PCDH18: variants seen among roughly 807,000 people sequenced by gnomAD.
The protein encoded by PCDH18 is protocadherin 18, also known as protocadherin-18.
PCDH18 carries 38 observed loss-of-function variants against 71.5 expected under a neutral mutation model. The observed-to-expected ratio is 0.53, with a 90% CI of 0.41 to 0.70. The LOEUF (loss-of-function observed/expected upper bound fraction) is 0.70. Ranked by LOEUF, PCDH18 falls within the 30% of genes least tolerant of loss-of-function variation. The probability of loss-of-function intolerance (pLI) is 0.00; values close to 1 mark genes in which losing one functional copy is unlikely to be tolerated. For synonymous variants in PCDH18, 565 were observed against 505.4 expected (o/e 1.12, Z -1.58); for missense variants, 1,334 against 1,384.6 (o/e 0.96, Z 0.58).
chr4:137,520,980 GT>G lies in PCDH18; in HGVS notation c.*48del. ...TTCAGGGTTTTTTGTTGTTGTTGTT[GT>G]TCCCTATTTCCATATACATGGAAAC... On this transcript the variant is annotated 3_prime_UTR_variant, in exon 4 of 4. Coordinates refer to ENST00000344876, the MANE Select transcript of PCDH18 (RefSeq NM_019035.5). 7.6e-7 allele frequency: 1 copy of G among 1,314,784 alleles called. No individual in the cohort carries two copies. The highest frequency in any genetic ancestry group is 1.1e-6 in the Non-Finnish European group (1 of 949,158). The allele number at this position is 1,314,784 out of a possible 1,614,324, so 81.4% of individuals were successfully genotyped here.
Position 137,529,614 on chromosome 4 carries a change from A to G in PCDH18, c.2475T>C (p.Thr825=). Residue 825 remains threonine (T), a synonymous_variant, in exon 1 of 4, where the codon ACT becomes ACC. Transcript: ENST00000344876. The stretch of plus-strand genomic sequence containing the variant: ...TTTATGATCTTACCTCAACAGCAGG[A>G]GTGGCGTGGGTGAGTTCTAATGAGA... ...ENFSLELTHA[T]PAVEQVSQLL... The G allele has an allele frequency of 6.3e-7, 1 of 1,598,948 alleles. No homozygotes were observed. The highest frequency in any genetic ancestry group is 2.2e-5 in the East Asian group (1 of 44,728).
In PCDH18 at chr4:137,532,351, G is replaced by C. The variant is rs1297806479; in HGVS notation, c.-263C>G. 2 of 702,310 alleles carry C rather than the reference G, an allele frequency of 2.8e-6. No homozygotes were observed. The allele number at this position is 702,310 out of a possible 1,614,324, so 43.5% of individuals were successfully genotyped here. A position where few individuals can be genotyped will look rare whatever the true frequency, so the allele number is the denominator to read the frequency against. ...CCAGGCAGGAGAGTGTCACCTCCGC[G>C]TTTTCTCCCTTGTGTAGTCGGAATC... On this transcript the variant is annotated 5_prime_UTR_variant, in exon 1 of 4. Coordinates refer to ENST00000344876, the MANE Select transcript of PCDH18 (RefSeq NM_019035.5).
intron 1 of PCDH18, 187 bp from the exon 2 acceptor site, chr4:137,529,007 A>C (rs569504835): frequency 1.7e-6 from 1 of 588,622 alleles, no homozygotes; most frequent in African/African-American, 1.9e-5. Flanking sequence ...ACTAAAATAT[A>C]TCTCAGAGAG....
chr4:137,521,095 T>G lies in PCDH18; in HGVS notation c.3342A>C (p.Glu1114Asp), dbSNP rs1321464496. The change falls in exon 4 of 4, where the codon GAA becomes GAC. Residue 1114 changes from glutamate to aspartate, a missense_variant. Glu to Asp is a conservative substitution (Grantham distance 45). This residue lies in a region of PCDH18 where 319 missense variants were observed against 316.3 expected (regional missense o/e 1.01). Coordinates refer to ENST00000344876, the MANE Select transcript of PCDH18 (RefSeq NM_019035.5). ...CCACCAGTTCACTGGCATCCATGAG[T>G]TCGTGTTTCCCATCATTGAGGTGGT... Reference protein sequence around the residue: ...VLNHLNDGKHELMDASELVAE... With the variant: ...VLNHLNDGKHDLMDASELVAE... 6.2e-7 allele frequency: 1 copy of G among 1,613,552 alleles called. No homozygotes were observed.
At position 137,531,755 on chromosome 4, in the gene PCDH18, T is replaced by C. The variant is rs1183706242; in HGVS notation, c.334A>G (p.Thr112Ala). Residue 112 changes from threonine to alanine, a missense_variant, in exon 1 of 4, where the codon ACT (threonine) becomes GCT (alanine). Around this residue, in one of 3 missense-constraint regions of PCDH18, gnomAD observed 1,011 missense variants for 1,048.0 expected, o/e 0.96. Coordinates refer to ENST00000344876, the MANE Select transcript of PCDH18 (RefSeq NM_019035.5). ...AGCTGCAGATGCTCTGTGGGTAGAG[T>C]GATCACATCAAACTCTATGGAACAG... ...LNCSIEFDVI[T>A]LPTEHLQLFH... 2.5e-6 allele frequency: 4 copies of C among 1,613,888 alleles called. No individual in the cohort carries two copies. In the African/African-American group the frequency reaches 4.0e-5, roughly 16 times the overall value.
At position 137,530,585 on chromosome 4, in the gene PCDH18, A is replaced by G; in HGVS notation, c.1504T>C (p.Tyr502His). Residue 502 changes from tyrosine (Y) to histidine (H), a missense_variant, in exon 1 of 4, where the codon TAC (tyrosine) becomes CAC (histidine). Coordinates refer to ENST00000344876, the MANE Select transcript of PCDH18 (RefSeq NM_019035.5). ...PDLGENGQVT[Y>H]TILESFILGS... Reference sequence around the variant, plus strand: ...AGAATAAAACTCTCCAAGATGGTGTATGTCACTTGCCCATTTTCTCCAAGA... The same window carrying G: ...AGAATAAAACTCTCCAAGATGGTGTGTGTCACTTGCCCATTTTCTCCAAGA... The G allele has an allele frequency of 6.2e-7, 1 of 1,614,134 alleles. No individual in the cohort carries two copies. Among genetic ancestry groups the G allele is most frequent in the Non-Finnish European group, 8.5e-7 (1 of 1,179,998 alleles).
At chr4:137,521,982 A>T (rs1731315863) in intron 3 of PCDH18, among the ~76,000 whole-genome samples, 1 of 152,176 alleles carries the variant, frequency 6.6e-6, no homozygotes. Context: ...GATAAAGTAT[A>T]CGTGGGAAGA....
rs2149211640 is a variant in PCDH18, at chr4:137,521,487, A to C, written c.2950T>G (p.Ser984Ala). Residue 984 changes from serine (S) to alanine (A), a missense_variant, in exon 4 of 4, where the codon TCC becomes GCC. Physicochemically the swap from Ser to Ala is moderately conservative, Grantham distance 99 (BLOSUM62 1). Coordinates refer to ENST00000344876, the MANE Select transcript of PCDH18 (RefSeq NM_019035.5). ...TTTGGGGAGTCCTTTCCAAAGGTGG[A>C]AAAACTCTTCTTCTTTTCACCGGAA... ...ADSGEKKKSFSTFGKDSPNDE... is the reference protein window; with the variant it reads ...ADSGEKKKSFATFGKDSPNDE... 22 of 1,614,176 alleles carry C rather than the reference A, an allele frequency of 1.4e-5. No individual in the cohort carries two copies. The highest frequency in any genetic ancestry group is 1.9e-5 in the Non-Finnish European group (22 of 1,180,030).
chr4:137,530,775 C>T lies in PCDH18; in HGVS notation c.1314G>A (p.Glu438=). The T allele has an allele frequency of 6.2e-7, 1 of 1,612,438 alleles. No individual in the cohort carries two copies. Among genetic ancestry groups the T allele is most frequent in the Non-Finnish European group, 8.5e-7 (1 of 1,178,594 alleles). Residue 438 remains glutamate, a synonymous_variant, in exon 1 of 4, where the codon GAG becomes GAA. Coordinates refer to ENST00000344876, the MANE Select transcript of PCDH18 (RefSeq NM_019035.5). The part of the protein sequence containing the change: ...RSEYSLTVIA[E]DRGTPSLSTV... Reference sequence around the variant, plus strand: ...TAGAGAGACTGGGTGTCCCCCTGTCCTCAGCGATTACAGTCAAACTATACT... The same window carrying T: ...TAGAGAGACTGGGTGTCCCCCTGTCTTCAGCGATTACAGTCAAACTATACT...
Position 137,521,371 on chromosome 4 carries a change from G to T in PCDH18, c.3066C>A (p.Thr1022=), listed in dbSNP as rs144391842. 1.9e-6 allele frequency: 3 copies of T among 1,614,156 alleles called. No homozygotes were observed. The highest frequency in any genetic ancestry group is 1.1e-5 in the South Asian group (1 of 91,082). ...FQRLLPPSLD[T]YSECSEVDRS... is the part of the protein sequence containing the mutation. ...GATCCACCTCACTGCATTCAGAATA[G>T]GTGTCCAGGGAAGGCGGTAAGAGAC... Residue 1022 remains threonine, a synonymous_variant, in exon 4 of 4, where the codon ACC becomes ACA. Transcript: ENST00000344876.
At chr4:137,522,742 C>G (rs1406029273) in intron 3 of PCDH18, among the ~76,000 whole-genome samples, 1 of 152,054 alleles carries the variant, frequency 6.6e-6, no homozygotes, top group Non-Finnish European at 1.5e-5. Context: ...AGGAAGATTC[C>G]TCTTCCTCCC....
rs1731632508 is a variant in PCDH18 at position 137,530,339 on chromosome 4, T to C, written c.1750A>G (p.Asn584Asp). The part of the protein sequence containing the change: ...PVVIGPALRN[N>D]TAEITIPKGA... ...TTGGGAATGGTGATTTCTGCCGTAT[T>C]ATTACGCAATGCAGGCCCTATAACC... is the stretch of plus-strand genomic sequence containing the variant. Residue 584 changes from asparagine to aspartate, a missense_variant, in exon 1 of 4, where the codon AAT (asparagine) becomes GAT (aspartate). This residue lies in a region of PCDH18 where 1,011 missense variants were observed against 1,048.0 expected (regional missense o/e 0.96). Transcript: ENST00000344876. 3 of 1,613,436 alleles carry C rather than the reference T, an allele frequency of 1.9e-6. No homozygotes were observed. The highest frequency in any genetic ancestry group is 1.1e-5 in the South Asian group (1 of 91,058).
chr4:137,531,655 T>A lies in PCDH18; in HGVS notation c.434A>T (p.Glu145Val), dbSNP rs761282967. 1 of 1,614,080 alleles carries A rather than the reference T, an allele frequency of 6.2e-7. No homozygotes were observed. The highest frequency in any genetic ancestry group is 8.5e-7 in the Non-Finnish European group (1 of 1,179,936). The change falls in exon 1 of 4, where the codon GAG (glutamate) becomes GTG (valine). Residue 145 changes from glutamate to valine, a missense_variant. Physicochemically the swap from Glu to Val is moderately radical, Grantham distance 121. Coordinates refer to ENST00000344876, the MANE Select transcript of PCDH18 (RefSeq NM_019035.5). The stretch of plus-strand genomic sequence containing the variant: ...CCCAACTGCTGCACTCTCAGATATC[T>A]CAATAGGTATGAGAGATCTTGAAAA... ...PQFSRSLIPI[E>V]ISESAAVGTR...
In PCDH18 at chr4:137,529,905, C is replaced by G; in HGVS notation, c.2184G>C (p.Lys728Asn). ...TGCAGTTATAGGATCTAGTGTCTTTCTTCTCGCGGTTACACCTAGTTGCAA... is the reference window on the plus strand; with the variant it reads ...TGCAGTTATAGGATCTAGTGTCTTTGTTCTCGCGGTTACACCTAGTTGCAA... ...VLFATRCNRE[K>N]KDTRSYNCRV... is the part of the protein sequence containing the mutation. Residue 728 changes from lysine to asparagine, a missense_variant, in exon 1 of 4, where the codon AAG becomes AAC. This residue lies in a region of PCDH18 where 1,011 missense variants were observed against 1,048.0 expected (regional missense o/e 0.96). Transcript: ENST00000344876. The G allele has an allele frequency of 6.2e-7, 1 of 1,613,968 alleles. No homozygotes were observed. Among genetic ancestry groups the G allele is most frequent in the Non-Finnish European group, 8.5e-7 (1 of 1,179,954 alleles).
At chr4:137,522,759 T>C (rs1440603580) in intron 3 of PCDH18, among the ~76,000 whole-genome samples, 1 of 152,168 alleles carries the variant, frequency 6.6e-6, no homozygotes, top group Non-Finnish European at 1.5e-5. Context: ...TCCCAAATTA[T>C]TGCTAAAAAG....
rs773883788 is a variant in PCDH18 at position 137,528,749 on chromosome 4, T to C, written c.2559A>G (p.Lys853=). 6.2e-7 allele frequency: 1 copy of C among 1,613,370 alleles called. No homozygotes were observed. The highest frequency in any genetic ancestry group is 1.1e-5 in the South Asian group (1 of 91,068). ...ATTCATACCTGTAGCTCCTGGAATA[T>C]TTGTTTCCTCGAAAACTTGGTCTTG... is the stretch of plus-strand genomic sequence containing the variant. ...YQPRPSFRGN[K]YSRSYRYALQ... Residue 853 remains lysine (K), a synonymous_variant, in exon 2 of 4, where the codon AAA becomes AAG. Transcript: ENST00000344876.
intron 1 of PCDH18, chr4:137,529,156 C>T (rs1331015383): frequency 3.3e-6 from 1 of 305,340 alleles, no homozygotes; most frequent in Non-Finnish European, 6.0e-6. Flanking sequence ...TACAACACTG[C>T]AATGCATGTA....
At position 137,531,230 on chromosome 4, in the gene PCDH18, T is replaced by A; in HGVS notation, c.859A>T (p.Ser287Cys). 1 of 1,613,208 alleles carries A rather than the reference T, an allele frequency of 6.2e-7. No homozygotes were observed. Among genetic ancestry groups the A allele is most frequent in the Non-Finnish European group, 8.5e-7 (1 of 1,179,488 alleles). Residue 287 changes from serine (S) to cysteine (C), a missense_variant, in exon 1 of 4, where the codon AGT (serine) becomes TGT (cysteine). This residue lies in a region of PCDH18 where 1,011 missense variants were observed against 1,048.0 expected (regional missense o/e 0.96). Coordinates refer to ENST00000344876, the MANE Select transcript of PCDH18 (RefSeq NM_019035.5). ...ANGKIVYSFS[S>C]HVSPKIMETF... ...TCCATAATTTTGGGAGACACATGAC[T>A]GCTGAAGGAATATACAATTTTCCCA...
At position 137,531,241 on chromosome 4, in the gene PCDH18, T is replaced by C. The variant is rs1441633819; in HGVS notation, c.848A>G (p.Tyr283Cys). The C allele has an allele frequency of 1.2e-6, 2 of 1,613,460 alleles. No homozygotes were observed. The highest frequency in any genetic ancestry group is 8.5e-7 in the Non-Finnish European group (1 of 1,179,716). Residue 283 changes from tyrosine to cysteine, a missense_variant, in exon 1 of 4, where the codon TAT (tyrosine) becomes TGT (cysteine). Physicochemically the swap from Tyr to Cys is radical, Grantham distance 194. Transcript: ENST00000344876. Reference protein sequence around the residue: ...PDEGANGKIVYSFSSHVSPKI... With the variant: ...PDEGANGKIVCSFSSHVSPKI... ...GGGAGACACATGACTGCTGAAGGAA[T>C]ATACAATTTTCCCATTAGCGCCCTC... is the stretch of plus-strand genomic sequence containing the variant.
Sources: allele counts gnomAD v4.1 joint callset (sites outside exome capture counted in the v4.1 genomes callset), GRCh38; gene constraint gnomAD v4.1.1; regional missense constraint gnomAD v4.1.1; transcripts MANE v1.5; gene names NCBI Gene and HGNC (gene_info 2026-07-23, HGNC 2026-07-21).